Variants in AUTS2 observed in about 807,000 individuals in gnomAD.
The protein encoded by AUTS2 is activator of transcription and developmental regulator AUTS2, also known as autism susceptibility gene 2 protein.
Under a neutral mutation model 112.4 loss-of-function variants are expected in AUTS2, and 17 were observed. The ratio of observed to expected loss-of-function variants is 0.15; its 90% CI spans 0.10 to 0.23. AUTS2 has a LOEUF of 0.23. AUTS2 is among the 10% of genes least tolerant of loss of function. The probability of loss-of-function intolerance (pLI) is 1.00; values close to 1 mark genes in which losing one functional copy is unlikely to be tolerated. For missense variants in AUTS2, 1,510 were observed against 1,701.6 expected, an observed-to-expected ratio of 0.89 and a Z score of 1.98; for synonymous variants, 751 against 702.7, an observed-to-expected ratio of 1.07 and a Z score of -1.09.
At chr7:70,661,720 G>A (rs1475844098) in intron 5 of AUTS2, among the ~76,000 whole-genome samples, 1 of 151,992 alleles carries the variant, frequency 6.6e-6, no homozygotes, top group Non-Finnish European at 1.5e-5. Context: ...TAGATCTGTA[G>A]ATCGATGCTG....
chr7:69,670,866 C>CA (rs896579912), intron 1 of AUTS2, among the ~76,000 whole-genome samples: 45 of 149,654 alleles, frequency 3.0e-4, no homozygotes, highest in African/African-American at 7.1e-4. Flanking sequence ...GACCCTGTCT[C>CA]AAAAAAAAAG....
chr7:70,371,721 A>AT (rs1366136305), intron 4 of AUTS2, among the ~76,000 whole-genome samples: 1 of 152,182 alleles, frequency 6.6e-6, no homozygotes, highest in Non-Finnish European at 1.5e-5. Flanking sequence ...TAGTTTATCT[A>AT]TTATAAGACA....
intron 5 of AUTS2, among the ~76,000 whole-genome samples, chr7:70,638,599 C>T (rs998245802): frequency 6.6e-6 from 1 of 151,844 alleles, no homozygotes; most frequent in Admixed American, 6.6e-5. Context: ...ACTGTGCGAG[C>T]GAGCACAGGC....
chr7:70,083,611 A>G (rs866489806), intron 2 of AUTS2, among the ~76,000 whole-genome samples: 2 of 152,184 alleles, frequency 1.3e-5, no homozygotes, highest in Non-Finnish European at 2.9e-5. Flanking sequence ...ATACAACTTG[A>G]TAAGTTTTGA....
intron 6 of AUTS2, among the ~76,000 whole-genome samples, chr7:70,714,425 T>G (rs962712555): frequency 6.6e-6 from 1 of 152,200 alleles, no homozygotes; most frequent in African/African-American, 2.4e-5. Context: ...AAAAGAACAT[T>G]TCTTACAAAA....
At chr7:70,448,210 A>G (rs142548700) in intron 5 of AUTS2, among the ~76,000 whole-genome samples, 20 of 152,184 alleles carry the variant, frequency 1.3e-4, no homozygotes, top group Middle Eastern at 6.8e-3. Flanking sequence ...ATCGCTTTCT[A>G]TTCCAAGCTT....
rs1789688794 is a variant in AUTS2, at chr7:70,763,254, C to T, written c.1127C>T (p.Pro376Leu). The change falls in exon 7 of 19, where the codon CCA becomes CTA. Residue 376 changes from proline to leucine, a missense_variant. By Grantham distance (98) the Pro-to-Leu change is moderately conservative. Coordinates refer to ENST00000342771, the MANE Select transcript of AUTS2 (RefSeq NM_015570.4). The stretch of plus-strand genomic sequence containing the variant: ...ACCCAGCTGCTCCATCAGAACCTCC[C>T]ACCTGTGCAGGCCCACCCCTCTGCT... ...SPTQLLHQNL[P>L]PVQAHPSAQS... 4 of 1,613,838 alleles carry T rather than the reference C, an allele frequency of 2.5e-6. No individual in the cohort carries two copies. The South Asian group carries it at 3.3e-5, about 13-fold the overall frequency.
At chr7:70,283,467 T>C (rs1206710155) in intron 4 of AUTS2, among the ~76,000 whole-genome samples, 2 of 152,128 alleles carry the variant, frequency 1.3e-5, no homozygotes, top group Non-Finnish European at 2.9e-5. Context: ...TAAGATGCAT[T>C]CCAATTTCAG....
At chr7:70,099,933 G>C (rs901061190) in intron 2 of AUTS2, among the ~76,000 whole-genome samples, 1 of 151,922 alleles carries the variant, frequency 6.6e-6, no homozygotes, top group African/African-American at 2.4e-5. Flanking sequence ...AGTTTGTTTG[G>C]AATTATGTTT....
chr7:69,698,890 A>G (rs1422212171), intron 1 of AUTS2, among the ~76,000 whole-genome samples: 1 of 152,194 alleles, frequency 6.6e-6, no homozygotes, highest in African/African-American at 2.4e-5. Context: ...TGGGAAGGAA[A>G]CAGTAGCACA....
chr7:69,789,283 A>G (rs1441762478), intron 1 of AUTS2, among the ~76,000 whole-genome samples: 1 of 152,224 alleles, frequency 6.6e-6, no homozygotes, highest in Non-Finnish European at 1.5e-5. Context: ...ATGTATGCCC[A>G]GGCTGCATCC....
chr7:70,012,944 A>C (rs1214139985), intron 2 of AUTS2, among the ~76,000 whole-genome samples: 4 of 152,208 alleles, frequency 2.6e-5, no homozygotes, highest in Non-Finnish European at 5.9e-5. Context: ...ATATGTGTGC[A>C]TGTATGTGTG....
At chr7:70,163,026 CT>C (rs1199334957) in intron 4 of AUTS2, among the ~76,000 whole-genome samples, 1 of 151,858 alleles carries the variant, frequency 6.6e-6, no homozygotes. Flanking sequence ...AAGAGGTTTG[CT>C]TTTTTTAAAA....
chr7:69,838,841 A>G (rs1791841542), intron 1 of AUTS2, among the ~76,000 whole-genome samples: 1 of 152,040 alleles, frequency 6.6e-6, no homozygotes, highest in Admixed American at 6.6e-5. Context: ...GCATAGTTTT[A>G]TTTTATTTAT....
chr7:70,504,931 C>A (rs1172443213), intron 5 of AUTS2, among the ~76,000 whole-genome samples: 2 of 152,190 alleles, frequency 1.3e-5, no homozygotes, highest in Non-Finnish European at 2.9e-5. Flanking sequence ...AGGTTGTAAT[C>A]TAAATGGAAG....
In AUTS2 at chr7:70,790,291, G is replaced by C. The variant is rs767034869; in HGVS notation, c.3075G>C (p.Thr1025=). 2 of 1,613,538 alleles carry C rather than the reference G, an allele frequency of 1.2e-6. No homozygotes were observed. Among genetic ancestry groups the C allele is most frequent in the Non-Finnish European group, 8.5e-7 (1 of 1,179,998 alleles). ...GGCCCCTGGCCTCGATGCCCATGAC[G>C]GTGGGGGTGACGGGCATTCACCCCA... ...HPGPLASMPM[T]VGVTGIHPMN... is the part of the protein sequence containing the mutation. The change falls in exon 19 of 19, where the codon ACG becomes ACC. Residue 1025 remains threonine, a synonymous_variant. Coordinates refer to ENST00000342771, the MANE Select transcript of AUTS2 (RefSeq NM_015570.4). This position sits in a 1 kb window ranked among gnomAD's most constrained non-coding sequence, Gnocchi z 7.6.
At chr7:70,730,986 G>C (rs1005343409) in intron 6 of AUTS2, among the ~76,000 whole-genome samples, 7 of 152,202 alleles carry the variant, frequency 4.6e-5, no homozygotes, top group Non-Finnish European at 1.0e-4. Flanking sequence ...GCAATTCCCT[G>C]AATGACTAAT....
chr7:69,598,696 C>G lies in AUTS2; in HGVS notation c.-958C>G, dbSNP rs2129066489. 1 of 155,704 alleles carries G rather than the reference C, an allele frequency of 6.4e-6. No homozygotes were observed. Among genetic ancestry groups the G allele is most frequent in the South Asian group, 1.7e-4 (1 of 5,898 alleles). The allele number at this position is 155,704 out of a possible 1,614,324, so 9.6% of individuals were successfully genotyped here. On this transcript the variant is annotated 5_prime_UTR_variant, in exon 1 of 19. Transcript: ENST00000342771. ...GCTGGAGATTTCTTTCTGCTTTCCT[C>G]ATCGACTGACTGACTCACCCCCTCC...
chr7:70,528,083 A>C (rs1362948716), intron 5 of AUTS2, among the ~76,000 whole-genome samples: 1 of 146,558 alleles, frequency 6.8e-6, no homozygotes, highest in Non-Finnish European at 1.5e-5. Context: ...AAGTTCACTT[A>C]AATTTAAGGA....
Sources: gnomAD v4.1 joint callset for allele counts (sites outside exome capture counted in the v4.1 genomes callset) on GRCh38, gnomAD v4.1.1 for gene constraint, Gnocchi (gnomAD v3.1) non-coding constraint, MANE v1.5 for transcripts, NCBI Gene and HGNC (gene_info 2026-07-23, HGNC 2026-07-21) for gene names.